Variants in CYRIB observed in about 807,000 individuals in gnomAD.
CYRIB encodes CYFIP-related Rac1 interactor B.
CYRIB carries 8 observed loss-of-function variants against 44.2 expected under a neutral mutation model. That is an observed-to-expected ratio of 0.18 (90% CI 0.11 to 0.33). CYRIB has a LOEUF of 0.33. Ranked by LOEUF, CYRIB falls within the 10% of genes least tolerant of loss-of-function variation. The pLI is 1.00. For synonymous variants in CYRIB, 131 were observed against 127.2 expected, an observed-to-expected ratio of 1.03 and a Z score of -0.20; for missense variants, 185 against 382.8, an observed-to-expected ratio of 0.48 and a Z score of 4.31.
intron 1 of CYRIB, among the ~76,000 whole-genome samples, chr8:129,977,409 C>G (rs2095981039): frequency 6.6e-6 from 1 of 152,114 alleles, no homozygotes; most frequent in African/African-American, 2.4e-5. Flanking sequence ...GACTCGACAC[C>G]CAGCCAAAAA....
At chr8:130,013,739 A>G (rs1286053784) in intron 1 of CYRIB, among the ~76,000 whole-genome samples, 1 of 152,170 alleles carries the variant, frequency 6.6e-6, no homozygotes, top group African/African-American at 2.4e-5. Context: ...GGATCCTGAT[A>G]TAAGAGCTGT....
exon 11 of CYRIB, chr8:129,846,823 C>A: frequency 2.5e-6 from 4 of 1,596,376 alleles, no homozygotes; most frequent in Non-Finnish European, 3.4e-6. Context: ...TTTAGAAGAC[C>A]TTCCACACTA....
At chr8:129,893,346 G>T (rs142909036) in intron 2 of CYRIB, among the ~76,000 whole-genome samples, 1 of 152,064 alleles carries the variant, frequency 6.6e-6, no homozygotes, top group East Asian at 1.9e-4. Flanking sequence ...ACAGACAAGT[G>T]GAAGAGACCA....
At chr8:129,935,863 C>T (rs770261733) in intron 1 of CYRIB, among the ~76,000 whole-genome samples, 1 of 152,184 alleles carries the variant, frequency 6.6e-6, no homozygotes, top group Non-Finnish European at 1.5e-5. Flanking sequence ...AGTAGTCATT[C>T]TGACCCATGG....
At chr8:129,923,874 A>G (rs2085480724) in intron 1 of CYRIB, among the ~76,000 whole-genome samples, 1 of 150,640 alleles carries the variant, frequency 6.6e-6, no homozygotes, top group African/African-American at 2.5e-5. Flanking sequence ...AATATCTAGT[A>G]TGTACCATGC....
chr8:129,842,409 C>A (rs2036873328), intron 11 of CYRIB, among the ~76,000 whole-genome samples: 1 of 152,188 alleles, frequency 6.6e-6, no homozygotes, highest in Non-Finnish European at 1.5e-5. Context: ...AGCTATTTAG[C>A]AGCTATTTAA....
At chr8:129,898,015 C>A (rs939099960) in intron 2 of CYRIB, among the ~76,000 whole-genome samples, 3 of 151,998 alleles carry the variant, frequency 2.0e-5, no homozygotes, top group Non-Finnish European at 2.9e-5. Flanking sequence ...CCACCCGCCT[C>A]GGCCTCTCAA....
intron 2 of CYRIB, among the ~76,000 whole-genome samples, chr8:129,899,048 G>C (rs2069957607): frequency 6.6e-6 from 1 of 152,108 alleles, no homozygotes; most frequent in Non-Finnish European, 1.5e-5. Context: ...ATTTTTAGTA[G>C]AGACGGGGTT....
chr8:129,910,659 C>T (rs769559782), intron 1 of CYRIB, among the ~76,000 whole-genome samples: 2 of 151,996 alleles, frequency 1.3e-5, no homozygotes, highest in Non-Finnish European at 2.9e-5. Context: ...ACAGCCAGGT[C>T]TAGTAACATA....
At chr8:129,888,719 A>G (rs950699663) in intron 2 of CYRIB, among the ~76,000 whole-genome samples, 1 of 152,172 alleles carries the variant, frequency 6.6e-6, no homozygotes, top group African/African-American at 2.4e-5. Context: ...TGTTTTGTAC[A>G]CTACTCTATC....
intron 1 of CYRIB, among the ~76,000 whole-genome samples, chr8:129,906,039 T>C (rs837076): frequency 0.38 from 57,890 of 151,782 alleles, 13,223 homozygotes; most frequent in East Asian, 0.55. Flanking sequence ...AGGTAATTTA[T>C]AGATTCAATG....
chr8:129,985,661 T>A (rs1651226574), intron 1 of CYRIB, among the ~76,000 whole-genome samples: 1 of 151,998 alleles, frequency 6.6e-6, no homozygotes, highest in African/African-American at 2.4e-5. Context: ...AAAAAATGCT[T>A]CAGAGCAAAT....
chr8:129,906,429 T>A (rs1252039255), intron 1 of CYRIB, among the ~76,000 whole-genome samples: 1 of 152,200 alleles, frequency 6.6e-6, no homozygotes, highest in Non-Finnish European at 1.5e-5. Context: ...ATCCCTTCCT[T>A]ACACCTTATA....
chr8:129,841,955 G>T, exon 12 of CYRIB: 1 of 572,586 alleles, frequency 1.7e-6, no homozygotes, highest in Non-Finnish European at 3.1e-6. Flanking sequence ...CCTTCAGAGT[G>T]TAACTTTACT....
intron 1 of CYRIB, among the ~76,000 whole-genome samples, chr8:129,914,739 T>C (rs183004555): frequency 1.2e-3 from 185 of 152,356 alleles, no homozygotes; most frequent in Non-Finnish European, 2.1e-3. Context: ...GACGAAAATT[T>C]CTAAAAATCA....
intron 2 of CYRIB, among the ~76,000 whole-genome samples, chr8:129,889,614 G>C (rs2064242059): frequency 6.6e-6 from 1 of 152,134 alleles, no homozygotes; most frequent in Non-Finnish European, 1.5e-5. Context: ...ACAGATGACT[G>C]TGAGGGGGGT....
At chr8:130,006,614 A>ATGTATATATATATACACATATATATG (rs1564798254) in intron 1 of CYRIB, among the ~76,000 whole-genome samples, 1 of 16,602 alleles carries the variant, frequency 6.0e-5, no homozygotes, top group African/African-American at 9.0e-5. Context: ...ATACATATAT[A>ATGTATATATATATACACATATATATG]TGTGTATATA....
At chr8:129,913,161 C>T (rs138594133) in intron 1 of CYRIB, among the ~76,000 whole-genome samples, 2,115 of 152,004 alleles carry the variant, frequency 0.014, 46 homozygotes, top group African/African-American at 0.048. Context: ...TTAGTAGAGA[C>T]AGGGTTTCAC....
chr8:129,843,311 A>C (rs1271889392), intron 11 of CYRIB, among the ~76,000 whole-genome samples: 1 of 152,204 alleles, frequency 6.6e-6, no homozygotes, highest in Non-Finnish European at 1.5e-5. Context: ...ATTAAGCAGG[A>C]GAGGGGTGTG....
Sources: gnomAD v4.1 joint callset for allele counts (sites outside exome capture counted in the v4.1 genomes callset) on GRCh38, gnomAD v4.1.1 for gene constraint, MANE v1.5 for transcripts, NCBI Gene and HGNC (gene_info 2026-07-23, HGNC 2026-07-21) for gene names.